CDH18: variants seen among roughly 807,000 people sequenced by gnomAD.
CDH18 encodes the protein cadherin 18, also known as cadherin-18.
A neutral mutation model predicts 67.9 loss-of-function variants in CDH18; 31 were observed. The ratio of observed to expected loss-of-function variants is 0.46; its 90% CI spans 0.34 to 0.62. The LOEUF is 0.62. Ranked by LOEUF, CDH18 falls within the 20% of genes least tolerant of loss-of-function variation. The pLI, the probability that CDH18 is intolerant of heterozygous loss-of-function variation, is 0.01. For synonymous variants in CDH18, 362 were observed against 347.2 expected, an observed-to-expected ratio of 1.04 and a Z score of -0.48; for missense variants, 890 against 975.5, an observed-to-expected ratio of 0.91 and a Z score of 1.17.
intron 5 of CDH18, among the ~76,000 whole-genome samples, chr5:19,625,917 C>T (rs1425814581): frequency 6.6e-6 from 1 of 152,112 alleles, no homozygotes; most frequent in African/African-American, 2.4e-5. Context: ...CCCTTTTCCC[C>T]CCTTTTCTTC....
At chr5:20,333,592 A>G (rs1208239360) in intron 1 of CDH18, among the ~76,000 whole-genome samples, 1 of 151,054 alleles carries the variant, frequency 6.6e-6, no homozygotes, top group African/African-American at 2.4e-5. Flanking sequence ...TTTCATGTTT[A>G]TAAAGGTAAT....
intron 3 of CDH18, among the ~76,000 whole-genome samples, chr5:19,785,759 A>G (rs1191311918): frequency 7.6e-6 from 1 of 131,990 alleles, no homozygotes; most frequent in Non-Finnish European, 1.6e-5. Flanking sequence ...TAAAATAGGT[A>G]GATCATAGAG....
chr5:19,887,658 C>T (rs990917405), intron 2 of CDH18, among the ~76,000 whole-genome samples: 6 of 151,658 alleles, frequency 4.0e-5, no homozygotes, highest in Admixed American at 3.3e-4. Context: ...AGCCTTAACC[C>T]CCTGGGGTCA....
intron 10 of CDH18, among the ~76,000 whole-genome samples, chr5:19,516,261 T>G (rs184027304): frequency 6.6e-6 from 1 of 152,228 alleles, no homozygotes; most frequent in Admixed American, 6.5e-5. Context: ...CAGTATTTTA[T>G]TGAGGATTTT....
chr5:20,031,119 GT>G (rs1357446655), intron 2 of CDH18, among the ~76,000 whole-genome samples: 1 of 152,054 alleles, frequency 6.6e-6, no homozygotes, highest in African/African-American at 2.4e-5. Context: ...CTGCGCCAGT[GT>G]TTTTAGCAGA....
intron 1 of CDH18, among the ~76,000 whole-genome samples, chr5:20,374,140 C>T (rs1404155293): frequency 6.6e-6 from 1 of 152,150 alleles, no homozygotes; most frequent in African/African-American, 2.4e-5. Context: ...TGTTATTCTG[C>T]TGATAAATTA....
chr5:20,112,682 C>T (rs1219927340), intron 2 of CDH18, among the ~76,000 whole-genome samples: 2 of 151,924 alleles, frequency 1.3e-5, no homozygotes, highest in African/African-American at 4.8e-5. Context: ...CCACTGCACT[C>T]CAGCCTGGCG....
intron 2 of CDH18, among the ~76,000 whole-genome samples, chr5:20,090,128 T>C (rs1745294925): frequency 6.6e-6 from 1 of 152,168 alleles, no homozygotes; most frequent in African/African-American, 2.4e-5. Context: ...AAAGGATCTG[T>C]GATAAAAATA....
chr5:20,105,690 T>G (rs1249103811), intron 2 of CDH18, among the ~76,000 whole-genome samples: 1 of 152,220 alleles, frequency 6.6e-6, no homozygotes, highest in East Asian at 1.9e-4. Context: ...ACGTCTGGCT[T>G]ATTTCACTTA....
At chr5:19,710,130 G>T (rs6870855) in intron 5 of CDH18, among the ~76,000 whole-genome samples, 1 of 152,042 alleles carries the variant, frequency 6.6e-6, no homozygotes, top group Non-Finnish European at 1.5e-5. Flanking sequence ...GTAAGACTCC[G>T]TCTCAAAAAA....
chr5:20,172,766 G>A (rs771490042), intron 2 of CDH18, among the ~76,000 whole-genome samples: 12 of 151,986 alleles, frequency 7.9e-5, no homozygotes, highest in Non-Finnish European at 1.2e-4. Context: ...CAAGGCAGGC[G>A]GATCACCTGA....
chr5:20,377,204 T>A (rs1743526458), intron 1 of CDH18, among the ~76,000 whole-genome samples: 1 of 152,192 alleles, frequency 6.6e-6, no homozygotes. Context: ...GTGTACTGAA[T>A]AACAATAACT....
intron 2 of CDH18, among the ~76,000 whole-genome samples, chr5:19,965,890 C>T (rs1797385252): frequency 6.6e-6 from 1 of 152,132 alleles, no homozygotes; most frequent in Non-Finnish European, 1.5e-5. Context: ...ACCTCTCTCC[C>T]AGCGACACTT....
At chr5:19,710,190 C>T (rs1214785453) in intron 5 of CDH18, among the ~76,000 whole-genome samples, 1 of 152,066 alleles carries the variant, frequency 6.6e-6, no homozygotes, top group Non-Finnish European at 1.5e-5. Context: ...TTCAGACATT[C>T]AGCCTTTCTA....
At chr5:19,515,922 G>A (rs1745909782) in intron 10 of CDH18, among the ~76,000 whole-genome samples, 1 of 152,152 alleles carries the variant, frequency 6.6e-6, no homozygotes, top group African/African-American at 2.4e-5. Context: ...TCCCTGTCTT[G>A]TGCCAGTTTT....
intron 4 of CDH18, among the ~76,000 whole-genome samples, chr5:19,724,512 TAC>T (rs34923644): frequency 0.6 from 89,869 of 148,686 alleles, 29,625 homozygotes; most frequent in South Asian, 0.77. Context: ...CACACAGACA[TAC>T]ACACACACAC....
In CDH18 at chr5:19,872,455, T is replaced by C. The variant is rs923978833; in HGVS notation, c.-256-33213A>G. On this transcript the variant is annotated intron_variant, in intron 2 of 12. Transcript: ENST00000382275. ...CAATCAAAAGGGAGATTCTCATTCA[T>C]TGGCCTGGCTTAATCATATGAAAGC... 4.6e-5 allele frequency among the ~76,000 whole-genome samples: 7 copies of C among 152,350 alleles called. No homozygotes were observed. In the South Asian group the frequency reaches 1.2e-3, roughly 27 times the overall value.
intron 2 of CDH18, among the ~76,000 whole-genome samples, chr5:20,158,382 A>G (rs1490060899): frequency 1.3e-5 from 2 of 152,304 alleles, no homozygotes; most frequent in East Asian, 3.9e-4. Flanking sequence ...TTTGTTGAGA[A>G]CTGTTTAATA....
chr5:20,287,772 A>G (rs1746793451), intron 1 of CDH18, among the ~76,000 whole-genome samples: 1 of 134,202 alleles, frequency 7.5e-6, no homozygotes, highest in Non-Finnish European at 1.7e-5. Flanking sequence ...AGAAGCATTC[A>G]TGTGAAACAA....
Sources: gnomAD v4.1 joint callset for allele counts (sites outside exome capture counted in the v4.1 genomes callset) on GRCh38, gnomAD v4.1.1 for gene constraint, MANE v1.5 for transcripts, NCBI Gene and HGNC (gene_info 2026-07-23, HGNC 2026-07-21) for gene names.